Variants in DNAI7 observed in about 807,000 individuals in gnomAD.
The protein encoded by DNAI7 is dynein axonemal intermediate chain 7, also known as cancer susceptibility 1.
In DNAI7, 78 loss-of-function variants were observed where a neutral mutation model predicts 86.6. The ratio of observed to expected loss-of-function variants is 0.90; its 90% CI spans 0.75 to 1.09. DNAI7 has a LOEUF of 1.09. Ranked by LOEUF, DNAI7 falls within the 50% of genes least tolerant of loss-of-function variation. DNAI7 has a pLI of 0.00. For synonymous variants in DNAI7, 274 were observed against 273.0 expected, an observed-to-expected ratio of 1.00 and a Z score of -0.04; for missense variants, 753 against 810.2, an observed-to-expected ratio of 0.93 and a Z score of 0.86.
intron 9 of DNAI7, among the ~76,000 whole-genome samples, chr12:25,126,213 A>G (rs1218949958): frequency 6.6e-6 from 1 of 152,124 alleles, no homozygotes; most frequent in Non-Finnish European, 1.5e-5. Context: ...GCATGCTAGG[A>G]GGGTGTAAAG....
intron 13 of DNAI7, among the ~76,000 whole-genome samples, chr12:25,112,415 T>G (rs1592171228): frequency 7.0e-6 from 1 of 143,698 alleles, no homozygotes; most frequent in Non-Finnish European, 1.5e-5. Flanking sequence ...TTTTTTTTTT[T>G]TTTTTTTTTG....
At chr12:25,151,281 C>T (rs559545416) in intron 6 of DNAI7, among the ~76,000 whole-genome samples, 2 of 152,160 alleles carry the variant, frequency 1.3e-5, no homozygotes, top group East Asian at 3.9e-4. Context: ...ACTCAGAAAG[C>T]CAATATTTCC....
chr12:25,182,592 G>A (rs1949622330), intron 2 of DNAI7, among the ~76,000 whole-genome samples: 1 of 100,824 alleles, frequency 9.9e-6, no homozygotes, highest in South Asian at 3.2e-4. Context: ...CAGAGTGATA[G>A]AGTGAGACTG....
intron 12 of DNAI7, among the ~76,000 whole-genome samples, chr12:25,117,369 T>C (rs1004114330): frequency 3.3e-5 from 5 of 152,234 alleles, no homozygotes; most frequent in African/African-American, 1.2e-4. Flanking sequence ...CTTCTTGGTA[T>C]AAATTCCTAA....
intron 2 of DNAI7, among the ~76,000 whole-genome samples, chr12:25,174,778 G>T (rs1948775506): frequency 6.9e-6 from 1 of 144,552 alleles, no homozygotes; most frequent in Non-Finnish European, 1.5e-5. Flanking sequence ...ATACTACACG[G>T]CCATAAAAAG....
intron 2 of DNAI7, among the ~76,000 whole-genome samples, chr12:25,180,447 G>A (rs1028279517): frequency 2.6e-5 from 4 of 152,022 alleles, no homozygotes; most frequent in Non-Finnish European, 5.9e-5. Context: ...ATTCTAAAAT[G>A]TATATGAAAC....
chr12:25,123,336 A>G (rs780653843), intron 9 of DNAI7, 50 bp from the exon 10 acceptor site: 1 of 1,260,850 alleles, frequency 7.9e-7, no homozygotes, highest in Non-Finnish European at 1.1e-6. Flanking sequence ...TCTACATAGT[A>G]CAGTCATTGT....
At chr12:25,122,591 A>C (rs74385398) in intron 10 of DNAI7, among the ~76,000 whole-genome samples, 11,029 of 152,276 alleles carry the variant, frequency 0.072, 426 homozygotes, top group South Asian at 0.13. Flanking sequence ...AAGTTAACAG[A>C]AAAGATGTAT....
Position 25,114,385 on chromosome 12 carries a change from G to A in DNAI7, c.1611+271C>T, listed in dbSNP as rs1307452873. Among the ~76,000 whole-genome samples, 4 of 152,140 alleles carry A rather than the reference G, an allele frequency of 2.6e-5. No individual in the cohort carries two copies. In the South Asian group the frequency reaches 8.3e-4, roughly 32 times the overall value. The stretch of plus-strand genomic sequence containing the variant: ...ACTCTGAAATTCATACTGCAATGAG[G>A]GTTGTTGGTTCATCAGTTGATCTAT... On this transcript the variant is annotated intron_variant, in intron 13 of 15. Transcript: ENST00000395987.
At chr12:25,174,854 C>G (rs995384294) in intron 2 of DNAI7, among the ~76,000 whole-genome samples, 1 of 150,936 alleles carries the variant, frequency 6.6e-6, no homozygotes, top group Non-Finnish European at 1.5e-5. Context: ...AGTGATGTAA[C>G]TCAGGAATGG....
intron 2 of DNAI7, among the ~76,000 whole-genome samples, chr12:25,168,645 T>C (rs1947773967): frequency 6.6e-6 from 1 of 152,172 alleles, no homozygotes. Context: ...AGTGTTGTTT[T>C]TACCTAAATC....
chr12:25,124,061 T>TGTGTGTGTGTGTGTGTGTGTGC (rs1045679130), intron 9 of DNAI7, among the ~76,000 whole-genome samples: 4 of 151,404 alleles, frequency 2.6e-5, no homozygotes, highest in East Asian at 1.9e-4. Flanking sequence ...TGTGTGTGTG[T>TGTGTGTGTGTGTGTGTGTGTGC]GCTAATACTT....
chr12:25,150,233 G>C (rs1004695964), intron 6 of DNAI7, among the ~76,000 whole-genome samples: 1 of 152,196 alleles, frequency 6.6e-6, no homozygotes, highest in Non-Finnish European at 1.5e-5. Context: ...TTTGACCTCT[G>C]ATTGGGGAAA....
chr12:25,110,317 C>G (rs1949713777), intron 14 of DNAI7, 77 bp from the exon 15 acceptor site: 2 of 788,620 alleles, frequency 2.5e-6, no homozygotes, highest in African/African-American at 1.7e-5. Context: ...CTCCTTCAGT[C>G]TATTTTCAAC....
chr12:25,169,530 A>G lies in DNAI7; in HGVS notation c.22-8333T>C, dbSNP rs550078731. Among the ~76,000 whole-genome samples the G allele has an allele frequency of 2.6e-5, 4 of 152,318 alleles. No individual in the cohort carries two copies. In the East Asian group the frequency reaches 7.7e-4, roughly 29 times the overall value. On this transcript the variant is annotated intron_variant, in intron 2 of 15. Transcript: ENST00000395987. Reference sequence around the variant, plus strand: ...GACGAGAGTGAAACTAACATTGAATATAAATGGCCTAAATGCTCCACTTAA... The same window carrying G: ...GACGAGAGTGAAACTAACATTGAATGTAAATGGCCTAAATGCTCCACTTAA...
intron 9 of DNAI7, among the ~76,000 whole-genome samples, chr12:25,137,708 T>C (rs1347765846): frequency 2.0e-5 from 3 of 152,042 alleles, no homozygotes; most frequent in Non-Finnish European, 4.4e-5. Context: ...AGACATTCCA[T>C]GCAAATGGAC....
rs150420810 is a variant in DNAI7 at position 25,118,463 on chromosome 12, A to G, written c.1396+682T>C. Among the ~76,000 whole-genome samples the G allele has an allele frequency of 1.3e-3, 202 of 150,578 alleles. 1 individual carries two copies. The highest frequency in any genetic ancestry group is 4.8e-3 in the African/African-American group (196 of 40,884). On this transcript the variant is annotated intron_variant, in intron 12 of 15. Coordinates refer to ENST00000395987, the MANE Select transcript of DNAI7 (RefSeq NM_018272.5). ...TTTTTAGTAGAGATGAGATTTCACC[A>G]TGTTGGCCAGGCTAATGTCAAACTC...
At position 25,182,605 on chromosome 12, in the gene DNAI7, T is replaced by TACACACACACACACACACACACAC. The variant is rs71065917; in HGVS notation, c.21+7985_21+8008dup. 3.0e-4 allele frequency among the ~76,000 whole-genome samples: 40 copies of TACACACACACACACACACACACAC among 132,212 alleles called. 1 individual carries two copies. The highest frequency in any genetic ancestry group is 1.9e-3 in the Admixed American group (25 of 12,896). The allele number at this position is 132,212 out of a possible 152,430, so 86.7% of individuals were successfully genotyped here. ...GCCAGAGTGATAGAGTGAGACTGTC[T>TACACACACACACACACACACACAC]ACACACACACACACACACACACACA... On this transcript the variant is annotated intron_variant, in intron 2 of 15. Transcript: ENST00000395987.
chr12:25,158,684 T>C, intron 3 of DNAI7, 121 bp from the exon 4 acceptor site: 3 of 1,499,424 alleles, frequency 2.0e-6, no homozygotes, highest in Non-Finnish European at 1.8e-6. Flanking sequence ...TCACAGTCTT[T>C]ATTACATGGT....
Sources: allele counts gnomAD v4.1 joint callset (sites outside exome capture counted in the v4.1 genomes callset), GRCh38; gene constraint gnomAD v4.1.1; transcripts MANE v1.5; gene names NCBI Gene and HGNC (gene_info 2026-07-23, HGNC 2026-07-21).